Variants in DNAH5 observed in about 807,000 individuals in gnomAD.
DNAH5 encodes axonemal beta dynein heavy chain 5.
A neutral mutation model predicts 518.2 loss-of-function variants in DNAH5; 372 were observed. The observed-to-expected ratio is 0.72, with a 90% CI of 0.66 to 0.78. DNAH5 has a LOEUF of 0.78. Ranked by LOEUF, DNAH5 falls within the 30% of genes least tolerant of loss-of-function variation. The pLI is 0.00. For missense variants in DNAH5, 5,523 were observed against 5,687.0 expected (o/e 0.97, Z 0.93); for synonymous variants, 2,039 against 2,025.9 (o/e 1.01, Z -0.17).
At chr5:13,886,600 G>T (rs1269142839) in intron 17 of DNAH5, among the ~76,000 whole-genome samples, 1 of 152,170 alleles carries the variant, frequency 6.6e-6, no homozygotes, top group Non-Finnish European at 1.5e-5. Context: ...GAGGCATGGT[G>T]ATCAATTCTG....
intron 1 of DNAH5, among the ~76,000 whole-genome samples, chr5:13,966,311 C>T (rs1781526718): frequency 6.6e-6 from 1 of 152,166 alleles, no homozygotes. Context: ...TGAATTGTAC[C>T]GTTATAAACA....
chr5:13,754,444 T>C, intron 61 of DNAH5, 106 bp from the exon 62 acceptor site: 2 of 1,252,850 alleles, frequency 1.6e-6, no homozygotes, highest in East Asian at 2.4e-5. Flanking sequence ...TCCTGAGACA[T>C]GTGAGCCATT....
At chr5:13,937,832 ATATG>A (rs1384676964) in intron 1 of DNAH5, among the ~76,000 whole-genome samples, 1 of 152,138 alleles carries the variant, frequency 6.6e-6, no homozygotes, top group Non-Finnish European at 1.5e-5. Context: ...TGTTCTTTAT[ATATG>A]TGTATTCATA....
Position 13,811,818 on chromosome 5 carries a change from A to T in DNAH5, c.7236T>A (p.Phe2412Leu), listed in dbSNP as rs1259734032. Residue 2412 changes from phenylalanine to leucine, a missense_variant, in exon 44 of 79, where the codon TTT (phenylalanine) becomes TTA (leucine). Around this residue, in one of 3 missense-constraint regions of DNAH5, gnomAD observed 5,121 missense variants for 5,223.3 expected, o/e 0.98. Transcript: ENST00000265104. Reference sequence around the variant, plus strand: ...CTTCTTGAGGTGAGCGTTTCTTAAGAAAACCCTGTCAGTTCACAGACAAGT... The same window carrying T: ...CTTCTTGAGGTGAGCGTTTCTTAAGTAAACCCTGTCAGTTCACAGACAAGT... Reference protein sequence around the residue: ...ILDWSPILEGFLKKRSPQEAE... With the variant: ...ILDWSPILEGLLKKRSPQEAE... 6.2e-7 allele frequency: 1 copy of T among 1,614,032 alleles called. No homozygotes were observed. The highest frequency in any genetic ancestry group is 8.5e-7 in the Non-Finnish European group (1 of 1,180,028).
intron 52 of DNAH5, among the ~76,000 whole-genome samples, chr5:13,782,963 C>T (rs1449315258): frequency 6.6e-6 from 1 of 152,162 alleles, no homozygotes; most frequent in African/African-American, 2.4e-5. Context: ...CCCTCAGGAG[C>T]TCACGCTGGA....
rs558711952 is a variant in DNAH5, at chr5:13,762,669, G to A, written c.10281+53C>T. 4.6e-4 allele frequency: 710 copies of A among 1,538,232 alleles called. 1 individual carries two copies. The highest frequency in any genetic ancestry group is 6.1e-4 in the Non-Finnish European group (683 of 1,113,206). On this transcript the variant is annotated intron_variant, in intron 60 of 78. Transcript: ENST00000265104. The stretch of plus-strand genomic sequence containing the variant: ...TGCTCCTGTAAAGATAAGACGGGTC[G>A]ACCTGGAGACTCCGCCCAGCCACCT...
rs553696736 is a variant in DNAH5, at chr5:13,955,749, T to C, written c.13-24505A>G. Among the ~76,000 whole-genome samples the C allele has an allele frequency of 9.8e-5, 15 of 152,304 alleles. No homozygotes were observed. In the East Asian group the frequency reaches 1.3e-3, roughly 14 times the overall value. ...AAGAAAATTAATAAAATGGAAAACATTTTAAATCACAAAAGTTTGTCCTAC... is the reference window on the plus strand; with the variant it reads ...AAGAAAATTAATAAAATGGAAAACACTTTAAATCACAAAAGTTTGTCCTAC... On this transcript the variant is annotated intron_variant, in intron 1 of 78. Coordinates refer to the DNAH5 transcript ENST00000681290.
At chr5:13,929,917 C>T (rs1452682145) in intron 2 of DNAH5, among the ~76,000 whole-genome samples, 1 of 152,214 alleles carries the variant, frequency 6.6e-6, no homozygotes, top group Admixed American at 6.5e-5. Context: ...CCAAGTGGCC[C>T]TCTCTGCTTT....
upstream of DNAH5, among the ~76,000 whole-genome samples, chr5:13,945,096 G>A (rs1315853507): frequency 2.0e-5 from 3 of 152,170 alleles, no homozygotes; most frequent in Non-Finnish European, 4.4e-5. Context: ...TATGCAAATA[G>A]CAAACCATGT....
Position 13,752,272 on chromosome 5 carries a change from G to C in DNAH5, c.10890C>G (p.His3630Gln), listed in dbSNP as rs771119277. The change falls in exon 64 of 79, where the codon CAC (histidine) becomes CAG (glutamine). Residue 3630 changes from histidine (H) to glutamine (Q), a missense_variant. Coordinates refer to ENST00000265104, the MANE Select transcript of DNAH5 (RefSeq NM_001369.3). ...CTTCCAGGTGGTTTCTGAAGTACTT[G>C]TGATTTAAAGACGTGATCTAGGAAC... ...RNELQITSLN[H>Q]KYFRNHLEDS... 1.2e-6 allele frequency: 2 copies of C among 1,613,890 alleles called. No individual in the cohort carries two copies. The highest frequency in any genetic ancestry group is 2.7e-5 in the African/African-American group (2 of 74,910).
At chr5:13,916,576 A>G (rs1776668150) in intron 8 of DNAH5, 121 bp from the exon 9 acceptor site, 1 of 542,008 alleles carries the variant, frequency 1.8e-6, no homozygotes, top group Non-Finnish European at 3.4e-6. Context: ...ATTTAAAAAT[A>G]CTATTTAATG....
At position 13,894,786 on chromosome 5, in the gene DNAH5, T is replaced by A; in HGVS notation, c.2295A>T (p.Lys765Asn). 1 of 1,614,018 alleles carries A rather than the reference T, an allele frequency of 6.2e-7. No individual in the cohort carries two copies. The highest frequency in any genetic ancestry group is 8.5e-7 in the Non-Finnish European group (1 of 1,179,926). Residue 765 changes from lysine (K) to asparagine (N), a missense_variant, in exon 16 of 79, where the codon AAA becomes AAT. Transcript: ENST00000265104. ...MLAEYQRVKS[K>N]IPAAIEQLIV... ...TCAATTGCTCAATGGCAGCAGGTAT[T>A]TTTGACTTCACTCTCTGATATTCAG... is the stretch of plus-strand genomic sequence containing the variant.
intron 22 of DNAH5, among the ~76,000 whole-genome samples, chr5:13,876,059 A>AAT (rs1166849076): frequency 6.6e-6 from 1 of 152,188 alleles, no homozygotes; most frequent in Non-Finnish European, 1.5e-5. Flanking sequence ...TTTTTTAAAA[A>AAT]ATAAAAGATG....
intron 7 of DNAH5, among the ~76,000 whole-genome samples, chr5:13,917,472 A>T (rs1182290231): frequency 2.0e-5 from 3 of 152,204 alleles, no homozygotes; most frequent in African/African-American, 7.2e-5. Flanking sequence ...GGCTTCTCAT[A>T]TAAAATCTAT....
At chr5:13,749,906 AACAGC>A (rs1749965399) in intron 65 of DNAH5, among the ~76,000 whole-genome samples, 1 of 152,342 alleles carries the variant, frequency 6.6e-6, no homozygotes, top group African/African-American at 2.4e-5. Flanking sequence ...TCATTACCAC[AACAGC>A]AACCCAGTGG....
intron 17 of DNAH5, among the ~76,000 whole-genome samples, chr5:13,887,903 T>A (rs1772652979): frequency 6.6e-6 from 1 of 152,104 alleles, no homozygotes; most frequent in Non-Finnish European, 1.5e-5. Flanking sequence ...AACTGGCCCC[T>A]AATGCTACTC....
intron 47 of DNAH5, among the ~76,000 whole-genome samples, chr5:13,801,028 C>T (rs1352832006): frequency 6.6e-6 from 1 of 152,254 alleles, no homozygotes. Context: ...ATACAAGAAA[C>T]CTGGAGTCAT....
At chr5:13,944,241 T>C (rs1232151993) in intron 1 of DNAH5, 141 bp downstream of exon 1, 1 of 835,926 alleles carries the variant, frequency 1.2e-6, no homozygotes, top group African/African-American at 1.7e-5. Context: ...ATGCACCAGG[T>C]GAACATTAGT....
chr5:13,703,859 A>C (rs1352692377), intron 76 of DNAH5, among the ~76,000 whole-genome samples: 1 of 152,114 alleles, frequency 6.6e-6, no homozygotes, highest in Non-Finnish European at 1.5e-5. Context: ...CCTCACATGC[A>C]GTTAGGTTGG....
Sources: gnomAD v4.1 joint callset for allele counts (sites outside exome capture counted in the v4.1 genomes callset) on GRCh38, gnomAD v4.1.1 for gene constraint, gnomAD v4.1.1 regional missense constraint, MANE v1.5 for transcripts, NCBI Gene and HGNC (gene_info 2026-07-23, HGNC 2026-07-21) for gene names.